Variants in CACNB2 observed in about 807,000 individuals in gnomAD.
CACNB2 encodes voltage-dependent L-type calcium channel subunit beta-2.
Under a neutral mutation model 73.3 loss-of-function variants are expected in CACNB2, and 42 were observed. That is an observed-to-expected ratio of 0.57 (90% CI 0.45 to 0.74). CACNB2 has a LOEUF of 0.74. Among genes scored for constraint, CACNB2 ranks in the 30% least tolerant of loss-of-function variants. CACNB2 has a pLI of 0.00. For synonymous variants in CACNB2, 348 were observed against 310.3 expected (o/e 1.12, Z -1.28); for missense variants, 940 against 853.0 (o/e 1.10, Z -1.27).
chr10:18,224,980 G>T (rs563711648), intron 2 of CACNB2, among the ~76,000 whole-genome samples: 1 of 152,256 alleles, frequency 6.6e-6, no homozygotes, highest in South Asian at 2.1e-4. Context: ...CAAGGTGTCC[G>T]CGTGTTTCGC....
At chr10:18,274,300 TGTAA>T (rs1294143810) in intron 2 of CACNB2, among the ~76,000 whole-genome samples, 2 of 152,186 alleles carry the variant, frequency 1.3e-5, no homozygotes, top group Non-Finnish European at 2.9e-5. Context: ...CTGTTCAAAC[TGTAA>T]GTAACTATCA....
intron 3 of CACNB2, among the ~76,000 whole-genome samples, chr10:18,442,852 G>A (rs2046483149): frequency 6.9e-6 from 1 of 145,496 alleles, no homozygotes; most frequent in Non-Finnish European, 1.5e-5. Flanking sequence ...AAGAATTATA[G>A]TGGAGACTAT....
At chr10:18,334,145 T>TC (rs1443880628) in intron 2 of CACNB2, among the ~76,000 whole-genome samples, 1 of 152,166 alleles carries the variant, frequency 6.6e-6, no homozygotes, top group Non-Finnish European at 1.5e-5. Context: ...TAAGCCCTTT[T>TC]CACTGTTTAG....
intron 2 of CACNB2, among the ~76,000 whole-genome samples, chr10:18,251,240 G>C (rs995174952): frequency 6.6e-6 from 1 of 151,610 alleles, no homozygotes; most frequent in Non-Finnish European, 1.5e-5. Flanking sequence ...AAGTCTCTCG[G>C]CTCTTTTTTT....
At chr10:18,499,867 C>G (rs996183197) in intron 4 of CACNB2, among the ~76,000 whole-genome samples, 1 of 150,680 alleles carries the variant, frequency 6.6e-6, no homozygotes, top group African/African-American at 2.4e-5. Flanking sequence ...GTCCTAGCTA[C>G]TCAGGAGGCC....
intron 3 of CACNB2, among the ~76,000 whole-genome samples, chr10:18,467,872 C>A (rs1199600665): frequency 6.6e-6 from 1 of 152,202 alleles, no homozygotes; most frequent in Non-Finnish European, 1.5e-5. Flanking sequence ...AAGCCTGTCT[C>A]CTCTACAAGA....
chr10:18,184,649 G>GTTTT (rs201899870), intron 2 of CACNB2, among the ~76,000 whole-genome samples: 2 of 87,780 alleles, frequency 2.3e-5, no homozygotes, highest in African/African-American at 9.3e-5. Flanking sequence ...CTCAGACTTT[G>GTTTT]TTTTTTTTTT....
At chr10:18,499,318 C>T (rs2050030885) in intron 4 of CACNB2, among the ~76,000 whole-genome samples, 1 of 152,108 alleles carries the variant, frequency 6.6e-6, no homozygotes, top group Non-Finnish European at 1.5e-5. Context: ...TTGATAACTG[C>T]CGATTAAAAG....
At chr10:18,247,102 A>C (rs1398269025) in intron 2 of CACNB2, among the ~76,000 whole-genome samples, 1 of 152,096 alleles carries the variant, frequency 6.6e-6, no homozygotes, top group East Asian at 1.9e-4. Context: ...GCTGAATGAC[A>C]TCACCTCGAC....
At chr10:18,318,292 A>G (rs1564431893) in intron 2 of CACNB2, among the ~76,000 whole-genome samples, 2 of 152,206 alleles carry the variant, frequency 1.3e-5, no homozygotes, top group Admixed American at 1.3e-4. Flanking sequence ...GACCAATGGA[A>G]TAGAATAGAG....
intron 5 of CACNB2, among the ~76,000 whole-genome samples, chr10:18,504,016 G>C (rs767148518): frequency 6.6e-6 from 1 of 152,178 alleles, no homozygotes; most frequent in Non-Finnish European, 1.5e-5. Flanking sequence ...GCAGAGGCAG[G>C]CTTGTGTGTC....
chr10:18,182,337 T>C (rs1002717410), intron 2 of CACNB2, among the ~76,000 whole-genome samples: 2 of 151,354 alleles, frequency 1.3e-5, no homozygotes, highest in Non-Finnish European at 2.9e-5. Context: ...AAAAAAATTT[T>C]TTTTTGAAAT....
At chr10:18,530,875 A>G (rs547707972) in intron 10 of CACNB2, among the ~76,000 whole-genome samples, 1 of 152,306 alleles carries the variant, frequency 6.6e-6, no homozygotes, top group African/African-American at 2.4e-5. Flanking sequence ...CTGGCCATAA[A>G]GCTCTATGAA....
intron 3 of CACNB2, among the ~76,000 whole-genome samples, chr10:18,451,518 A>G (rs2047021925): frequency 6.6e-6 from 1 of 152,188 alleles, no homozygotes; most frequent in African/African-American, 2.4e-5. Flanking sequence ...GTTCAATGTG[A>G]AGTTTTTCTG....
chr10:18,349,034 C>G (rs1232241766), intron 2 of CACNB2, among the ~76,000 whole-genome samples: 1 of 152,156 alleles, frequency 6.6e-6, no homozygotes, highest in East Asian at 1.9e-4. Context: ...GGTGAGAGAT[C>G]ACTTGACTCC....
chr10:18,201,275 CT>C (rs11381087), intron 2 of CACNB2, among the ~76,000 whole-genome samples: 13,616 of 138,484 alleles, frequency 0.098, 453 homozygotes, highest in Admixed American at 0.11. Context: ...GGTCCAGTAT[CT>C]TTTTTTTTTT....
intron 2 of CACNB2, among the ~76,000 whole-genome samples, chr10:18,235,822 C>A (rs2036419530): frequency 6.6e-6 from 1 of 152,074 alleles, no homozygotes; most frequent in African/African-American, 2.4e-5. Flanking sequence ...CCACCCAAAT[C>A]TCATGTGGGA....
chr10:18,487,407 C>G (rs116187689), intron 3 of CACNB2, among the ~76,000 whole-genome samples: 5 of 152,080 alleles, frequency 3.3e-5, no homozygotes, highest in South Asian at 4.1e-4. Context: ...GAAGCCTTAC[C>G]GAGGACTCTC....
Position 18,536,725 on chromosome 10 carries a change from G to GCTTC in CACNB2, c.1302+531_1302+534dup, listed in dbSNP as rs2053641829. Among the ~76,000 whole-genome samples, 8 of 152,288 alleles carry GCTTC rather than the reference G, an allele frequency of 5.3e-5. No individual in the cohort carries two copies. In the South Asian group the frequency reaches 1.7e-3, roughly 32 times the overall value. On this transcript the variant is annotated intron_variant, in intron 12 of 13. Transcript: ENST00000324631. ...AAACGATGATCATAGCTTACCAAAAGCTTCCGTACATCCTGCAGTAACTTC... is the reference window on the plus strand; with the variant it reads ...AAACGATGATCATAGCTTACCAAAAGCTTCCTTCCGTACATCCTGCAGTAACTTC...
Sources: allele counts gnomAD v4.1 joint callset (sites outside exome capture counted in the v4.1 genomes callset), GRCh38; gene constraint gnomAD v4.1.1; transcripts MANE v1.5; gene names NCBI Gene and HGNC (gene_info 2026-07-23, HGNC 2026-07-21).